Variants in GRM7 observed in about 807,000 individuals in gnomAD.
GRM7 encodes glutamate metabotropic receptor 7.
GRM7 carries 35 observed loss-of-function variants against 84.5 expected under a neutral mutation model. That is an observed-to-expected ratio of 0.41 (90% CI 0.32 to 0.55). The LOEUF (loss-of-function observed/expected upper bound fraction) is 0.55, where lower values mean the gene tolerates loss of function less well. Ranked by LOEUF, GRM7 falls within the 20% of genes least tolerant of loss-of-function variation. The pLI is 0.19. For missense variants in GRM7, 1,003 were observed against 1,194.6 expected (o/e 0.84, Z 2.36); for synonymous variants, 487 against 455.1 (o/e 1.07, Z -0.89).
intron 5 of GRM7, among the ~76,000 whole-genome samples, chr3:7,449,815 G>C (rs963938609): frequency 6.6e-6 from 1 of 152,080 alleles, no homozygotes; most frequent in Non-Finnish European, 1.5e-5. Context: ...TACGTTCCAA[G>C]TGAGTCAAAT....
Position 7,630,472 on chromosome 3 carries a change from C to G in GRM7, c.2452-49577C>G, listed in dbSNP as rs11923781. Among the ~76,000 whole-genome samples, 845 of 152,276 alleles carry G rather than the reference C, an allele frequency of 5.5e-3. 5 individuals are homozygous for G. Among genetic ancestry groups the G allele is most frequent in the Middle Eastern group, 0.027 (8 of 294 alleles). On this transcript the variant is annotated intron_variant, in intron 8 of 9. Coordinates refer to ENST00000357716, the MANE Select transcript of GRM7 (RefSeq NM_000844.4). The stretch of plus-strand genomic sequence containing the variant: ...GAGCTCAACCCCTAAGTTGTCATCC[C>G]TGCCAGACGCACCTCTTCCTTGATC...
intron 1 of GRM7, among the ~76,000 whole-genome samples, chr3:6,951,727 G>A (rs910795164): frequency 2.6e-5 from 4 of 152,112 alleles, no homozygotes; most frequent in African/African-American, 9.7e-5. Context: ...AAAAATATAT[G>A]TGTGTTCCAT....
At chr3:7,016,567 G>A (rs1472621404) in intron 1 of GRM7, among the ~76,000 whole-genome samples, 1 of 152,122 alleles carries the variant, frequency 6.6e-6, no homozygotes, top group African/African-American at 2.4e-5. Context: ...GCAAGTGTAA[G>A]TTACAAATTG....
At chr3:7,031,565 C>T (rs1049096196) in intron 1 of GRM7, among the ~76,000 whole-genome samples, 64 of 151,932 alleles carry the variant, frequency 4.2e-4, no homozygotes, top group East Asian at 2.7e-3. Context: ...TACAGGCGCC[C>T]GCCACCACGC....
intron 2 of GRM7, among the ~76,000 whole-genome samples, chr3:7,296,054 T>A (rs1699803155): frequency 6.6e-6 from 1 of 152,028 alleles, no homozygotes; most frequent in Admixed American, 6.6e-5. Flanking sequence ...TCTCTTCTAA[T>A]TCTAGTTTAC....
At position 7,238,996 on chromosome 3, in the gene GRM7, C is replaced by CTTTTTTTTTTTTTTTTTTTTTTT. The variant is rs567509392; in HGVS notation, c.737-59688_737-59687insTTTTTTTTTTTTTTTTTTTTTTT. On this transcript the variant is annotated intron_variant, in intron 2 of 9. Transcript: ENST00000357716. ...TTCTTTTCCCTTTCTTTTCTTTTTT[C>CTTTTTTTTTTTTTTTTTTTTTTT]CTTTTTCTTTTTTTTGACATGGTCT... Among the ~76,000 whole-genome samples the CTTTTTTTTTTTTTTTTTTTTTTT allele has an allele frequency of 5.1e-5, 6 of 118,356 alleles. 3 individuals are homozygous for CTTTTTTTTTTTTTTTTTTTTTTT. Among genetic ancestry groups the CTTTTTTTTTTTTTTTTTTTTTTT allele is most frequent in the Non-Finnish European group, 3.4e-5 (2 of 58,394 alleles). 77.6% of individuals were successfully genotyped at this position (118,356 alleles called of 152,430 possible).
At chr3:6,903,522 A>T (rs1343042391) in intron 1 of GRM7, among the ~76,000 whole-genome samples, 2 of 152,140 alleles carry the variant, frequency 1.3e-5, no homozygotes. Context: ...ATAAGTTAAT[A>T]CCAAGTTTTA....
rs1290864783 is a variant in GRM7, at chr3:7,033,133, G to A, written c.520-113319G>A. On this transcript the variant is annotated intron_variant, in intron 1 of 9. Transcript: ENST00000357716. ...GTGTTCCTTGATTTGTAAATGCATC[G>A]CTCCAATTTCTGCTTCTGTCTTCAC... Among the ~76,000 whole-genome samples, 7 of 152,104 alleles carry A rather than the reference G, an allele frequency of 4.6e-5. No homozygotes were observed. The South Asian group carries it at 8.3e-4, about 18-fold the overall frequency.
intron 1 of GRM7, among the ~76,000 whole-genome samples, chr3:7,033,560 C>T (rs1396280699): frequency 6.6e-6 from 1 of 152,180 alleles, no homozygotes; most frequent in Non-Finnish European, 1.5e-5. Flanking sequence ...AACCTACTTC[C>T]TTCCAAACCT....
At chr3:7,535,026 A>G (rs17664643) in intron 7 of GRM7, among the ~76,000 whole-genome samples, 123 of 152,254 alleles carry the variant, frequency 8.1e-4, no homozygotes, top group African/African-American at 2.6e-3. Context: ...TCTTACTGCT[A>G]GAGTATTTGT....
intron 4 of GRM7, among the ~76,000 whole-genome samples, chr3:7,312,298 G>C (rs1700427187): frequency 6.6e-6 from 1 of 152,134 alleles, no homozygotes; most frequent in Non-Finnish European, 1.5e-5. Context: ...TCCAGGGTCA[G>C]TAGAAAACAT....
At chr3:7,179,948 G>A (rs1027308641) in intron 2 of GRM7, among the ~76,000 whole-genome samples, 4 of 152,070 alleles carry the variant, frequency 2.6e-5, no homozygotes, top group Admixed American at 6.5e-5. Context: ...TTCCATTAGC[G>A]TATCAGTGAC....
chr3:7,181,715 C>T (rs896310458), intron 2 of GRM7, among the ~76,000 whole-genome samples: 3 of 152,044 alleles, frequency 2.0e-5, no homozygotes, highest in African/African-American at 7.2e-5. Flanking sequence ...CTCAAGTCAT[C>T]CTCTTGTCTC....
At chr3:7,079,188 C>CT (rs1303621718) in intron 1 of GRM7, among the ~76,000 whole-genome samples, 2 of 152,052 alleles carry the variant, frequency 1.3e-5, no homozygotes, top group Non-Finnish European at 2.9e-5. Flanking sequence ...TAGAATACCT[C>CT]TTTTTTCTAA....
intron 7 of GRM7, among the ~76,000 whole-genome samples, chr3:7,566,295 G>A (rs1314761848): frequency 6.6e-6 from 1 of 152,060 alleles, no homozygotes; most frequent in Non-Finnish European, 1.5e-5. Context: ...GCAACGGACA[G>A]GTTTTGACCC....
chr3:7,359,220 T>TTGTGTGTGTGTGCGTGTG (rs1693552701), intron 4 of GRM7, among the ~76,000 whole-genome samples: 1 of 133,176 alleles, frequency 7.5e-6, no homozygotes, highest in Admixed American at 7.6e-5. Context: ...GTGTTTGTGT[T>TTGTGTGTGTGTGCGTGTG]TGTGTGTGTG....
chr3:7,557,215 T>C (rs1020010085), intron 7 of GRM7, among the ~76,000 whole-genome samples: 5 of 152,062 alleles, frequency 3.3e-5, no homozygotes, highest in South Asian at 4.1e-4. Context: ...GAGGTAATGG[T>C]GCAAAAGGAG....
chr3:7,153,801 G>A (rs1014422963), intron 2 of GRM7, among the ~76,000 whole-genome samples: 2 of 149,214 alleles, frequency 1.3e-5, no homozygotes, highest in Non-Finnish European at 3.0e-5. Context: ...AATAATTCTA[G>A]TAGAAACAAC....
intron 4 of GRM7, among the ~76,000 whole-genome samples, chr3:7,379,015 G>A (rs755264677): frequency 5.5e-4 from 84 of 152,088 alleles, no homozygotes; most frequent in South Asian, 1.2e-3. Flanking sequence ...CCTTTATAAC[G>A]TCAGCTTTAA....
Sources: gnomAD v4.1 joint callset for allele counts (sites outside exome capture counted in the v4.1 genomes callset) on GRCh38, gnomAD v4.1.1 for gene constraint, MANE v1.5 for transcripts, NCBI Gene and HGNC (gene_info 2026-07-23, HGNC 2026-07-21) for gene names.